Variants in KANSL3 observed in about 807,000 individuals in gnomAD.
KANSL3 encodes NSL complex protein NSL3.
In KANSL3, 16 loss-of-function variants were observed where a neutral mutation model predicts 89.2. The ratio of observed to expected loss-of-function variants is 0.18; its 90% CI spans 0.12 to 0.27. KANSL3 has a LOEUF of 0.27. Ranked by LOEUF, KANSL3 falls within the 10% of genes least tolerant of loss-of-function variation. The pLI is 1.00. For synonymous variants in KANSL3, 385 were observed against 419.7 expected, an observed-to-expected ratio of 0.92 and a Z score of 1.01; for missense variants, 879 against 1,110.6, an observed-to-expected ratio of 0.79 and a Z score of 2.96.
chr2:96,632,295 C>T (rs550157484), intron 2 of KANSL3, among the ~76,000 whole-genome samples: 3 of 152,162 alleles, frequency 2.0e-5, no homozygotes, highest in East Asian at 1.9e-4. Context: ...GGCAAAACCC[C>T]GTCTCTAAAA....
Position 96,612,940 on chromosome 2 carries a change from G to A in KANSL3, c.796-6C>T. Reference sequence around the variant, plus strand: ...GGAGAGCCAGGGAGTTTGCTCTAAAGAGGAAGAATCCCACCCAAAAACCAG... The same window carrying A: ...GGAGAGCCAGGGAGTTTGCTCTAAAAAGGAAGAATCCCACCCAAAAACCAG... On this transcript the variant is annotated splice_region_variant and splice_polypyrimidine_tract_variant and intron_variant, in intron 6 of 20. Coordinates refer to ENST00000431828, the MANE Select transcript of KANSL3 (RefSeq NM_001115016.3). 3.2e-6 allele frequency: 5 copies of A among 1,547,072 alleles called. No individual in the cohort carries two copies. Among genetic ancestry groups the A allele is most frequent in the Non-Finnish European group, 4.4e-6 (5 of 1,141,890 alleles).
At chr2:96,587,354 C>T in the KANSL3 span, among the ~76,000 whole-genome samples, 1 of 152,204 alleles carries the variant, frequency 6.6e-6, no homozygotes. Flanking sequence ...GTGAGAAAGA[C>T]CAACAAGGTA....
At chr2:96,619,055 C>T (rs1469129097) in intron 5 of KANSL3, among the ~76,000 whole-genome samples, 2 of 152,188 alleles carry the variant, frequency 1.3e-5, no homozygotes, top group South Asian at 2.1e-4. Context: ...GTAAACCCTT[C>T]GTCTCCTTCA....
chr2:96,623,913 T>C (rs960316864), intron 3 of KANSL3, among the ~76,000 whole-genome samples: 1 of 152,268 alleles, frequency 6.6e-6, no homozygotes, highest in South Asian at 2.1e-4. Flanking sequence ...TTGCTAGAGC[T>C]AAATCCCCTC....
chr2:96,589,002 G>A (rs1352106028), downstream of KANSL3, among the ~76,000 whole-genome samples: 2 of 152,192 alleles, frequency 1.3e-5, no homozygotes, highest in Admixed American at 6.5e-5. Context: ...GGGTAATGTG[G>A]ATACCAGGAG....
At chr2:96,592,123 C>T (rs2066285894), downstream of KANSL3, among the ~76,000 whole-genome samples, 1 of 152,072 alleles carries the variant, frequency 6.6e-6, no homozygotes, top group Non-Finnish European at 1.5e-5. Context: ...CTGCTCAAGT[C>T]AGTGAGACTA....
At position 96,612,867 on chromosome 2, in the gene KANSL3, G is replaced by A; in HGVS notation, c.863C>T (p.Thr288Ile). ...SSGPSSSVFP[T>I]SRRHRFWQSQ... Reference sequence around the variant, plus strand: ...TTGCCAGAAGCGGTGGCGGCGTGAAGTGGGAAACACAGAGCTGGAGGGACC... The same window carrying A: ...TTGCCAGAAGCGGTGGCGGCGTGAAATGGGAAACACAGAGCTGGAGGGACC... Residue 288 changes from threonine to isoleucine, a missense_variant, in exon 7 of 21, where the codon ACT becomes ATT. Transcript: ENST00000431828. 1.3e-6 allele frequency: 2 copies of A among 1,572,966 alleles called. No individual in the cohort carries two copies. Among genetic ancestry groups the A allele is most frequent in the Admixed American group, 1.9e-5 (1 of 53,030 alleles).
At chr2:96,584,546 A>T in the KANSL3 span, among the ~76,000 whole-genome samples, 6 of 152,300 alleles carry the variant, frequency 3.9e-5, no homozygotes, top group Non-Finnish European at 5.9e-5. Flanking sequence ...GTTATAGAAC[A>T]CTAGAAGTTA....
chr2:96,607,397 C>T (rs1172936561), intron 14 of KANSL3, among the ~76,000 whole-genome samples: 1 of 152,184 alleles, frequency 6.6e-6, no homozygotes, highest in Non-Finnish European at 1.5e-5. Context: ...CCCCATGACA[C>T]CCTAGATCCC....
chr2:96,581,558 T>C, the KANSL3 span, among the ~76,000 whole-genome samples: 2 of 152,196 alleles, frequency 1.3e-5, no homozygotes, highest in Non-Finnish European at 2.9e-5. Flanking sequence ...TGCTTCAACA[T>C]GCTGCTTTTT....
chr2:96,595,389 A>G lies in KANSL3; in HGVS notation c.*222T>C, dbSNP rs548058553. Reference sequence around the variant, plus strand: ...ATCTGCTGAGGAGTCTGGGGTTCCCAGGAACCAGATTTGCAGATCCTGGAC... The same window carrying G: ...ATCTGCTGAGGAGTCTGGGGTTCCCGGGAACCAGATTTGCAGATCCTGGAC... On this transcript the variant is annotated 3_prime_UTR_variant, in exon 21 of 21. Transcript: ENST00000431828. 1.9e-6 allele frequency: 1 copy of G among 528,328 alleles called. No individual in the cohort carries two copies. The highest frequency in any genetic ancestry group is 2.4e-5 in the South Asian group (1 of 40,828). The allele number at this position is 528,328 out of a possible 1,614,324, so 32.7% of individuals were successfully genotyped here.
chr2:96,601,691 T>G lies in KANSL3; in HGVS notation c.2568A>C (p.Ala856=). The G allele has an allele frequency of 6.2e-7, 1 of 1,613,470 alleles. No homozygotes were observed. The highest frequency in any genetic ancestry group is 8.5e-7 in the Non-Finnish European group (1 of 1,179,646). ...GGGAAGAGGACTCCTCGGATGGGGC[T>G]GCTCCTGAGCCCATAGGGCTCAGTG... The part of the protein sequence containing the change: ...ITTLSPMGSG[A]APSEESSSQV... Residue 856 remains alanine, a synonymous_variant, in exon 20 of 21, where the codon GCA becomes GCC. Transcript: ENST00000431828.
chr2:96,603,138 G>A (rs1485795192), intron 17 of KANSL3, among the ~76,000 whole-genome samples: 3 of 152,136 alleles, frequency 2.0e-5, no homozygotes, highest in African/African-American at 7.2e-5. Context: ...AGAAATCCAA[G>A]TTTGTTCCTT....
intron 3 of KANSL3, chr2:96,628,034 C>G (rs1274763753): frequency 7.8e-7 from 1 of 1,290,266 alleles, no homozygotes; most frequent in Non-Finnish European, 1.0e-6. Flanking sequence ...TTACATCAAT[C>G]TGTGGCAATG....
chr2:96,593,523 T>C lies in KANSL3; in HGVS notation c.*2088A>G, dbSNP rs1252685681. ...AAACGTGACTCTAGGCCTCAGCCAC[T>C]TCCTCTGTTACCCTGTGCAAGTTGT... On this transcript the variant is annotated 3_prime_UTR_variant, in exon 21 of 21. Transcript: ENST00000431828. The C allele has an allele frequency of 8.4e-6, 3 of 356,850 alleles. No homozygotes were observed. Among genetic ancestry groups the C allele is most frequent in the Admixed American group, 7.4e-5 (2 of 26,908 alleles). 22.1% of individuals were successfully genotyped at this position (356,850 alleles called of 1,614,324 possible). A position where few individuals can be genotyped will look rare whatever the true frequency, so the allele number is the denominator to read the frequency against.
intron 17 of KANSL3, chr2:96,603,633 C>T (rs1010552838): frequency 2.0e-5 from 3 of 152,418 alleles, no homozygotes; most frequent in African/African-American, 7.2e-5. Context: ...AGGCAACAGG[C>T]CTTTCAAAGT....
intron 11 of KANSL3, 73 bp downstream of exon 11, chr2:96,610,653 A>C: frequency 6.4e-7 from 1 of 1,552,994 alleles, no homozygotes; most frequent in Non-Finnish European, 8.8e-7. Flanking sequence ...GTCTGTAGTT[A>C]CATTGCCAGC....
At chr2:96,625,649 T>G (rs745345768) in intron 3 of KANSL3, among the ~76,000 whole-genome samples, 2 of 152,188 alleles carry the variant, frequency 1.3e-5, no homozygotes, top group African/African-American at 2.4e-5. Flanking sequence ...CATACACCAA[T>G]GACAGCTGAA....
intron 3 of KANSL3, among the ~76,000 whole-genome samples, chr2:96,623,861 ACTGT>A (rs1442787039): frequency 2.0e-5 from 3 of 152,242 alleles, no homozygotes; most frequent in African/African-American, 7.2e-5. Context: ...AAATGGGATG[ACTGT>A]CTTCTTCAGA....
Sources: allele counts gnomAD v4.1 joint callset (sites outside exome capture counted in the v4.1 genomes callset), GRCh38; gene constraint gnomAD v4.1.1; transcripts MANE v1.5; gene names NCBI Gene and HGNC (gene_info 2026-07-23, HGNC 2026-07-21).